Variants in TNNT2 observed in about 807,000 individuals in gnomAD.
TNNT2 encodes the protein troponin T, cardiac muscle.
TNNT2 carries 34 observed loss-of-function variants against 62.4 expected under a neutral mutation model. That is an observed-to-expected ratio of 0.54 (90% confidence interval 0.41 to 0.72). TNNT2 has a LOEUF of 0.72. Ranked by LOEUF, TNNT2 falls within the 30% of genes least tolerant of loss-of-function variation. TNNT2 has a pLI of 0.00. For missense variants in TNNT2, 275 were observed against 381.9 expected (o/e 0.72, Z 2.33); for synonymous variants, 123 against 127.2 (o/e 0.97, Z 0.22).
intron 7 of TNNT2, chr1:201,367,486 G>C: frequency 1.7e-6 from 1 of 574,530 alleles, no homozygotes; most frequent in Non-Finnish European, 3.1e-6. Flanking sequence ...GGAGCTTCAT[G>C]TGTGGATATG....
At chr1:201,362,775 A>C (rs61819993) in intron 12 of TNNT2, among the ~76,000 whole-genome samples, 1 of 152,140 alleles carries the variant, frequency 6.6e-6, no homozygotes, top group Non-Finnish European at 1.5e-5. Flanking sequence ...GGGGCACAAA[A>C]GTTAGGGATC....
chr1:201,360,719 G>A (rs923601761), intron 15 of TNNT2: 1 of 156,868 alleles, frequency 6.4e-6, no homozygotes, highest in African/African-American at 2.4e-5. Context: ...CGGGGCTCGG[G>A]GGTGGTGGGT....
intron 1 of TNNT2, chr1:201,373,731 G>C (rs1404355193): frequency 4.7e-6 from 1 of 214,268 alleles, no homozygotes; most frequent in Admixed American, 5.2e-5. Context: ...GCACCACCAT[G>C]CCCGACTAAT....
chr1:201,364,150 C>T, intron 11 of TNNT2, 148 bp downstream of exon 11: 1 of 836,700 alleles, frequency 1.2e-6, no homozygotes, highest in Non-Finnish European at 1.9e-6. Flanking sequence ...TCCCAAAGTG[C>T]TGGGATTACA....
intron 1 of TNNT2, 127 bp downstream of exon 1, chr1:201,377,496 C>G (rs1335090036): frequency 4.4e-6 from 2 of 455,362 alleles, no homozygotes; most frequent in Non-Finnish European, 8.8e-6. Context: ...GTGGCCTCCA[C>G]CAGGAGGGGC....
intron 1 of TNNT2, among the ~76,000 whole-genome samples, chr1:201,376,012 T>C (rs1352133877): frequency 6.6e-6 from 1 of 152,198 alleles, no homozygotes; most frequent in Admixed American, 6.5e-5. Context: ...CAGGACCTGA[T>C]GCAGGGGAAA....
At chr1:201,365,838 G>A (rs1659568495) in intron 8 of TNNT2, 168 bp from the exon 9 acceptor site, 6 of 1,512,940 alleles carry the variant, frequency 4.0e-6, no homozygotes, top group Non-Finnish European at 5.3e-6. Context: ...CCTCAGCCTT[G>A]CTCAGCACCT....
At position 201,368,321 on chromosome 1, in the gene TNNT2, T is replaced by TG. The variant is rs1389978002; in HGVS notation, c.98-95dup. ...GAGAATGGGCAGCGGGGAGTGGGGA[T>TG]GGGGGTCAAGACGTCTAGGTCCAGA... On this transcript the variant is annotated intron_variant, in intron 5 of 16. Transcript: ENST00000656932. 2.3e-6 allele frequency: 3 copies of TG among 1,318,514 alleles called. No homozygotes were observed. The South Asian group carries it at 3.7e-5, about 16-fold the overall frequency. 81.7% of individuals were successfully genotyped at this position (1,318,514 alleles called of 1,614,324 possible).
intron 16 of TNNT2, among the ~76,000 whole-genome samples, 156 bp downstream of exon 16, chr1:201,359,467 C>A (rs1477720234): frequency 6.6e-6 from 1 of 151,774 alleles, no homozygotes; most frequent in Non-Finnish European, 1.5e-5. Flanking sequence ...GAGAGAAGCA[C>A]GAGGCCCCGG....
intron 1 of TNNT2, 28 bp from the exon 2 acceptor site, chr1:201,373,296 G>C (rs1490413344): frequency 6.2e-7 from 1 of 1,607,820 alleles, no homozygotes; most frequent in Admixed American, 1.7e-5. Flanking sequence ...AGTCAGTGCA[G>C]GTACAAAGGG....
At chr1:201,363,429 A>G (rs1260210423) in intron 11 of TNNT2, 23 bp from the exon 12 acceptor site, 1 of 1,609,538 alleles carries the variant, frequency 6.2e-7, no homozygotes, top group South Asian at 1.1e-5. Flanking sequence ...AGGGAGGAAG[A>G]AAGCAAATTA....
intron 15 of TNNT2, 80 bp downstream of exon 15, chr1:201,361,199 C>G: frequency 7.3e-7 from 1 of 1,375,946 alleles, no homozygotes. Flanking sequence ...ACCCAGGGAC[C>G]TGCAGCAGTA....
intron 1 of TNNT2, chr1:201,375,376 G>A (rs1661241453): frequency 6.6e-6 from 1 of 152,204 alleles, no homozygotes; most frequent in Non-Finnish European, 1.5e-5. Flanking sequence ...CCCTCTGCTG[G>A]AGCAGGGTGA....
Position 201,359,245 on chromosome 1 carries a change from G to A in TNNT2, c.862C>T (p.Arg288Cys), listed in dbSNP as rs121964857. ...INDNQKVSKT[R>C]GKAKVTGRWK Reference sequence around the variant, plus strand: ...CGCCCGGTGACTTTAGCCTTCCCGCGGGTCTTGGAGCTGCAGGGGAAGCAG... The same window carrying A: ...CGCCCGGTGACTTTAGCCTTCCCGCAGGTCTTGGAGCTGCAGGGGAAGCAG... The change falls in exon 17 of 17, where the codon CGC becomes TGC. Residue 288 changes from arginine to cysteine, a missense_variant. Physicochemically the swap from Arg to Cys is radical, Grantham distance 180. Coordinates refer to ENST00000656932, the MANE Select transcript of TNNT2 (RefSeq NM_001276345.2). 827 of 1,611,210 alleles carry A rather than the reference G, an allele frequency of 5.1e-4. No homozygotes were observed. The highest frequency in any genetic ancestry group is 6.4e-4 in the Non-Finnish European group (758 of 1,179,234).
chr1:201,359,471 G>T (rs778003388), intron 16 of TNNT2, 152 bp downstream of exon 16: 26 of 973,134 alleles, frequency 2.7e-5, no homozygotes, highest in Non-Finnish European at 4.2e-5. Context: ...GAAGCACGAG[G>T]CCCCGGAGGA....
At chr1:201,373,107 A>G (rs748189524) in intron 2 of TNNT2, 107 bp downstream of exon 2, 2 of 1,135,020 alleles carry the variant, frequency 1.8e-6, no homozygotes, top group East Asian at 2.3e-5. Context: ...AAACACACAC[A>G]GCTACTTCTA....
chr1:201,363,241 C>T (rs1659027113), intron 12 of TNNT2, 55 bp downstream of exon 12: 2 of 1,612,656 alleles, frequency 1.2e-6, no homozygotes, highest in African/African-American at 1.3e-5. Flanking sequence ...GTGGACACCT[C>T]ATTCCTCAGG....
At chr1:201,361,162 G>C in intron 15 of TNNT2, 117 bp downstream of exon 15, 1 of 955,540 alleles carries the variant, frequency 1.0e-6, no homozygotes, top group Non-Finnish European at 1.7e-6. Flanking sequence ...AGGAGCTGAA[G>C]GGGGCTGTTG....
At chr1:201,365,096 G>A (rs544863897) in intron 10 of TNNT2, 95 bp downstream of exon 10, 29 of 1,093,864 alleles carry the variant, frequency 2.7e-5, no homozygotes, top group Non-Finnish European at 3.5e-5. Context: ...TTGAGGCGCC[G>A]AGGAAGGCTG....
Sources: allele counts gnomAD v4.1 joint callset (sites outside exome capture counted in the v4.1 genomes callset), GRCh38; gene constraint gnomAD v4.1.1; transcripts MANE v1.5; gene names NCBI Gene and HGNC (gene_info 2026-07-23, HGNC 2026-07-21).